TRAPPC11: variants seen among roughly 807,000 people sequenced by gnomAD.
TRAPPC11 encodes foie gras homolog.
In TRAPPC11, 104 loss-of-function variants were observed where a neutral mutation model predicts 151.2. That is an observed-to-expected ratio of 0.69 (90% CI 0.59 to 0.81). The LOEUF (loss-of-function observed/expected upper bound fraction) is 0.81. Ranked by LOEUF, TRAPPC11 falls within the 30% of genes least tolerant of loss-of-function variation. The pLI is 0.00. For missense variants in TRAPPC11, 1,230 were observed against 1,349.6 expected (o/e 0.91, Z 1.39); for synonymous variants, 456 against 472.3 (o/e 0.97, Z 0.45).
Position 183,692,947 on chromosome 4 carries a change from T to C in TRAPPC11, c.2050-13T>C. 1 of 1,587,612 alleles carries C rather than the reference T, an allele frequency of 6.3e-7. No individual in the cohort carries two copies. The highest frequency in any genetic ancestry group is 8.6e-7 in the Non-Finnish European group (1 of 1,166,298). ...TGAGATGACATTTCCAACATCCTTT[T>C]TTTTCTTTTTAGATTACTTCAGTGG... On this transcript the variant is annotated splice_polypyrimidine_tract_variant and intron_variant, in intron 19 of 29. Transcript: ENST00000334690.
chr4:183,685,527 T>A lies in TRAPPC11; in HGVS notation c.1762+124T>A, dbSNP rs933946219. On this transcript the variant is annotated intron_variant, in intron 17 of 29. Coordinates refer to ENST00000334690, the MANE Select transcript of TRAPPC11 (RefSeq NM_021942.6). ...TTTCAAAGTATAATCATGTTATAGA[T>A]AAACTGATTTTTTTTTGTGTCCCCT... 2.6e-6 allele frequency: 3 copies of A among 1,146,004 alleles called. No individual in the cohort carries two copies. The African/African-American group carries it at 4.7e-5, about 18-fold the overall frequency. The allele number at this position is 1,146,004 out of a possible 1,614,324, so 71.0% of individuals were successfully genotyped here.
At chr4:183,712,535 G>GT (rs1477227759) in intron 29 of TRAPPC11, 65 bp from the exon 30 acceptor site, 3 of 1,452,090 alleles carry the variant, frequency 2.1e-6, no homozygotes, top group Non-Finnish European at 2.9e-6. Context: ...AATCCTTCCA[G>GT]TTAATAGAGC....
Position 183,679,421 on chromosome 4 carries a change from C to G in TRAPPC11, c.900C>G (p.Asp300Glu). 6.2e-7 allele frequency: 1 copy of G among 1,612,850 alleles called. No individual in the cohort carries two copies. Among genetic ancestry groups the G allele is most frequent in the Non-Finnish European group, 8.5e-7 (1 of 1,179,336 alleles). The change falls in exon 9 of 30, where the codon GAC becomes GAG. Residue 300 changes from aspartate to glutamate, a missense_variant. Asp to Glu is a conservative substitution (Grantham distance 45). Transcript: ENST00000334690. ...DAIAQFRKHI[D>E]LCKKKIGSAE... ...TTGCTCAGTTCCGAAAACACATCGA[C>G]TTGTGTAAGAAAAAGATTGGAAGTG...
chr4:183,677,330 G>A lies in TRAPPC11; in HGVS notation c.735-128G>A. 5.9e-6 allele frequency: 4 copies of A among 672,446 alleles called. No homozygotes were observed. The South Asian group carries it at 7.0e-5, about 12-fold the overall frequency. 41.7% of individuals were successfully genotyped at this position (672,446 alleles called of 1,614,324 possible). A position where few individuals can be genotyped will look rare whatever the true frequency, so the allele number is the denominator to read the frequency against. On this transcript the variant is annotated intron_variant, in intron 7 of 29. Coordinates refer to ENST00000334690, the MANE Select transcript of TRAPPC11 (RefSeq NM_021942.6). ...TAATGGCTCATTTATCAGGAAATCA[G>A]AGATTGACATTATTGAGCTGTTGAG...
intron 17 of TRAPPC11, 23 bp downstream of exon 17, chr4:183,685,426 A>C: frequency 6.3e-7 from 1 of 1,595,674 alleles, no homozygotes; most frequent in Non-Finnish European, 8.6e-7. Context: ...CATCTACAGT[A>C]CTATTTCAGA....
rs1735847642 is a variant in TRAPPC11, at chr4:183,684,210, G to T, written c.1353G>T (p.Met451Ile). Reference sequence around the variant, plus strand: ...TCAAGAAGTATAAGTGCCCGCGAATGAAAAGTCACCTAAGTATGTATCCAC... The same window carrying T: ...TCAAGAAGTATAAGTGCCCGCGAATTAAAAGTCACCTAAGTATGTATCCAC... The part of the protein sequence containing the change: ...AQFKKYKCPR[M>I]KSHLMVQMGE... The change falls in exon 13 of 30, where the codon ATG becomes ATT. Residue 451 changes from methionine to isoleucine, a missense_variant. Met to Ile is a conservative substitution (Grantham distance 10). Coordinates refer to ENST00000334690, the MANE Select transcript of TRAPPC11 (RefSeq NM_021942.6). The T allele has an allele frequency of 6.2e-7, 1 of 1,613,994 alleles. No homozygotes were observed. Among genetic ancestry groups the T allele is most frequent in the South Asian group, 1.1e-5 (1 of 91,068 alleles).
At position 183,685,365 on chromosome 4, in the gene TRAPPC11, A is replaced by G. The variant is rs1323808094; in HGVS notation, c.1724A>G (p.Asn575Ser). 2 of 1,614,158 alleles carry G rather than the reference A, an allele frequency of 1.2e-6. No individual in the cohort carries two copies. The highest frequency in any genetic ancestry group is 1.7e-6 in the Non-Finnish European group (2 of 1,180,008). Residue 575 changes from asparagine (N) to serine (S), a missense_variant, in exon 17 of 30, where the codon AAT becomes AGT. Asn to Ser is a conservative substitution (Grantham distance 46, BLOSUM62 1). Transcript: ENST00000334690. ...GACCGAATTTCTCTGGCTGGCAGCA[A>G]TATTTTCACAATAGGAGTACAGGAC... ...WADRISLAGS[N>S]IFTIGVQDFV...
chr4:183,665,274 T>G (rs964460934), intron 2 of TRAPPC11, among the ~76,000 whole-genome samples: 16 of 151,904 alleles, frequency 1.1e-4, no homozygotes, highest in Non-Finnish European at 2.2e-4. Flanking sequence ...TTCTGTATTT[T>G]TAGTAGAGAC....
At chr4:183,661,485 C>G (rs193252585) in intron 1 of TRAPPC11, among the ~76,000 whole-genome samples, 2 of 149,614 alleles carry the variant, frequency 1.3e-5, no homozygotes, top group Non-Finnish European at 3.0e-5. Flanking sequence ...CATTCTCCTG[C>G]CTCAGCCTCC....
chr4:183,707,339 T>A (rs1737127033), intron 28 of TRAPPC11, among the ~76,000 whole-genome samples: 1 of 152,140 alleles, frequency 6.6e-6, no homozygotes, highest in South Asian at 2.1e-4. Context: ...TCAGTGAAGT[T>A]TCATAGCAAT....
chr4:183,669,293 A>G (rs1250188697), intron 5 of TRAPPC11, among the ~76,000 whole-genome samples: 1 of 152,194 alleles, frequency 6.6e-6, no homozygotes, highest in African/African-American at 2.4e-5. Context: ...CATATGAGCA[A>G]TAGGGAACAG....
intron 5 of TRAPPC11, among the ~76,000 whole-genome samples, chr4:183,670,226 T>G: frequency 6.6e-6 from 1 of 152,198 alleles, no homozygotes; most frequent in African/African-American, 2.4e-5. Context: ...TTCATTAGTG[T>G]TTTTTTAAGT....
At chr4:183,673,545 A>G (rs2111326813) in intron 5 of TRAPPC11, among the ~76,000 whole-genome samples, 1 of 152,078 alleles carries the variant, frequency 6.6e-6, no homozygotes, top group Non-Finnish European at 1.5e-5. Context: ...GTGGTCATGT[A>G]TGCATGTAGT....
At chr4:183,712,050 A>G (rs1299486608) in intron 29 of TRAPPC11, among the ~76,000 whole-genome samples, 4 of 152,264 alleles carry the variant, frequency 2.6e-5, no homozygotes, top group African/African-American at 7.2e-5. Flanking sequence ...TTTATCTGCC[A>G]CTTTTATCCT....
In TRAPPC11 at chr4:183,672,435, T is replaced by C. The variant is rs1735199994; in HGVS notation, c.561-2278T>C. Among the ~76,000 whole-genome samples, 4 of 152,224 alleles carry C rather than the reference T, an allele frequency of 2.6e-5. No individual in the cohort carries two copies. The South Asian group carries it at 8.3e-4, about 31-fold the overall frequency. Reference sequence around the variant, plus strand: ...GTTTGGTGTTGCCTTAAAAGTGTAATGTTTGAGTATCTGGTAAGAGAATTG... The same window carrying C: ...GTTTGGTGTTGCCTTAAAAGTGTAACGTTTGAGTATCTGGTAAGAGAATTG... On this transcript the variant is annotated intron_variant, in intron 5 of 29. Coordinates refer to ENST00000334690, the MANE Select transcript of TRAPPC11 (RefSeq NM_021942.6).
chr4:183,701,876 T>A, intron 26 of TRAPPC11, 68 bp downstream of exon 26: 1 of 1,056,238 alleles, frequency 9.5e-7, no homozygotes, highest in South Asian at 1.3e-5. Context: ...ATTATTCATC[T>A]TTGTCACTTA....
chr4:183,706,714 C>G, intron 27 of TRAPPC11, 93 bp from the exon 28 acceptor site: 1 of 1,366,760 alleles, frequency 7.3e-7, no homozygotes, highest in Non-Finnish European at 1.0e-6. Context: ...TTAAATGATA[C>G]TATGTCCACA....
intron 23 of TRAPPC11, 130 bp from the exon 24 acceptor site, chr4:183,697,373 T>C (rs1736588022): frequency 5.9e-6 from 5 of 849,098 alleles, no homozygotes; most frequent in Non-Finnish European, 9.0e-6. Context: ...AAATGTTATC[T>C]AAAAGGCCTT....
intron 25 of TRAPPC11, among the ~76,000 whole-genome samples, chr4:183,698,356 T>G (rs1468130225): frequency 6.6e-6 from 1 of 152,222 alleles, no homozygotes; most frequent in East Asian, 1.9e-4. Flanking sequence ...TTCATGAGTT[T>G]TTTTTCATCT....
Sources: gnomAD v4.1 joint callset for allele counts (sites outside exome capture counted in the v4.1 genomes callset) on GRCh38, gnomAD v4.1.1 for gene constraint, MANE v1.5 for transcripts, NCBI Gene and HGNC (gene_info 2026-07-23, HGNC 2026-07-21) for gene names.